Variants in RCSD1 observed in about 807,000 individuals in gnomAD.
RCSD1 encodes capZ-interacting protein.
In RCSD1, 26 loss-of-function variants were observed where a neutral mutation model predicts 42.5. That is an observed-to-expected ratio of 0.61 (90% CI 0.45 to 0.85). RCSD1 has a LOEUF of 0.85. RCSD1 is among the 40% of genes least tolerant of loss of function. The probability of loss-of-function intolerance (pLI) is 0.00; values close to 1 mark genes in which losing one functional copy is unlikely to be tolerated. For synonymous variants in RCSD1, 220 were observed against 212.2 expected (o/e 1.04, Z -0.32); for missense variants, 571 against 528.3 (o/e 1.08, Z -0.79).
chr1:167,689,950 A>G (rs1659335048), intron 3 of RCSD1, 99 bp from the exon 4 acceptor site: 2 of 1,163,746 alleles, frequency 1.7e-6, no homozygotes, highest in Admixed American at 3.9e-5. Flanking sequence ...TGGCAACACC[A>G]ACTTCTCTTC....
At chr1:167,696,929 C>T (rs1659510032) in intron 5 of RCSD1, among the ~76,000 whole-genome samples, 170 bp from the exon 6 acceptor site, 2 of 152,178 alleles carry the variant, frequency 1.3e-5, no homozygotes, top group African/African-American at 2.4e-5. Context: ...TCCCACATGG[C>T]TCTAATCTAT....
chr1:167,669,908 G>A (rs1316906546), intron 1 of RCSD1, among the ~76,000 whole-genome samples: 1 of 152,138 alleles, frequency 6.6e-6, no homozygotes, highest in African/African-American at 2.4e-5. Context: ...TGGGTCCTTA[G>A]GAAATTTGTT....
At chr1:167,677,246 A>G (rs1658974673) in intron 1 of RCSD1, among the ~76,000 whole-genome samples, 1 of 152,160 alleles carries the variant, frequency 6.6e-6, no homozygotes, top group Non-Finnish European at 1.5e-5. Flanking sequence ...AATGCATTCT[A>G]CAGTGTCTAC....
chr1:167,676,098 C>G (rs1330139291), intron 1 of RCSD1, among the ~76,000 whole-genome samples: 7 of 152,178 alleles, frequency 4.6e-5, no homozygotes, highest in Non-Finnish European at 5.9e-5. Context: ...TTCCAATGAG[C>G]CTGTAACATA....
chr1:167,704,600 G>A, intron 6 of RCSD1, 64 bp from the exon 7 acceptor site: 4 of 1,359,238 alleles, frequency 2.9e-6, no homozygotes, highest in African/African-American at 2.9e-5. Context: ...CCCCAAGGAG[G>A]GATGCTGAGT....
At chr1:167,700,930 T>C (rs1041744686) in intron 6 of RCSD1, among the ~76,000 whole-genome samples, 1 of 152,144 alleles carries the variant, frequency 6.6e-6, no homozygotes, top group Non-Finnish European at 1.5e-5. Flanking sequence ...GGTTGAAAAG[T>C]CACTTTGGTT....
intron 1 of RCSD1, among the ~76,000 whole-genome samples, chr1:167,656,870 C>A (rs1473152384): frequency 1.3e-5 from 2 of 152,208 alleles, no homozygotes; most frequent in African/African-American, 2.4e-5. Context: ...AAGAGTCAAG[C>A]TGCAGTCTCA....
intron 6 of RCSD1, among the ~76,000 whole-genome samples, chr1:167,701,003 GGAACTC>G (rs1659624017): frequency 6.6e-6 from 1 of 152,190 alleles, no homozygotes; most frequent in Non-Finnish European, 1.5e-5. Flanking sequence ...TCTTCCTGCG[GGAACTC>G]CAGGAGCTCT....
rs567201916 is a variant in RCSD1, at chr1:167,694,347, G to T, written c.474+45G>T. 4 of 1,553,970 alleles carry T rather than the reference G, an allele frequency of 2.6e-6. No homozygotes were observed. In the East Asian group the frequency reaches 9.3e-5, roughly 36 times the overall value. ...TATGGCGGTGTGTCTGTGGAAATGT[G>T]GGCACTGGCACCCCTGAATTTTCTC... is the stretch of plus-strand genomic sequence containing the variant. On this transcript the variant is annotated intron_variant, in intron 5 of 6. Coordinates refer to ENST00000367854, the MANE Select transcript of RCSD1 (RefSeq NM_052862.4).
At chr1:167,654,126 G>A (rs1256789216) in intron 1 of RCSD1, among the ~76,000 whole-genome samples, 2 of 152,198 alleles carry the variant, frequency 1.3e-5, no homozygotes, top group Non-Finnish European at 2.9e-5. Context: ...GCATGGTATT[G>A]GGCACATGGT....
At chr1:167,643,349 C>G (rs564948983) in intron 1 of RCSD1, among the ~76,000 whole-genome samples, 7 of 152,270 alleles carry the variant, frequency 4.6e-5, no homozygotes, top group African/African-American at 1.7e-4. Context: ...GCAAAGTGAA[C>G]CTTTCCAATA....
Position 167,702,528 on chromosome 1 carries a change from C to A in RCSD1, c.1219-2136C>A, listed in dbSNP as rs990617970. Among the ~76,000 whole-genome samples, 124 of 152,358 alleles carry A rather than the reference C, an allele frequency of 8.1e-4. 1 individual carries two copies. Among genetic ancestry groups the A allele is most frequent in the African/African-American group, 2.8e-3 (117 of 41,576 alleles). On this transcript the variant is annotated intron_variant, in intron 6 of 6. Transcript: ENST00000367854. Reference sequence around the variant, plus strand: ...GCGTGGTGGCTCACACCTGTAATCACAGCACTTTGGGAGGCTGAGGCGGGC... The same window carrying A: ...GCGTGGTGGCTCACACCTGTAATCAAAGCACTTTGGGAGGCTGAGGCGGGC...
chr1:167,679,883 A>C (rs1659039339), intron 1 of RCSD1, among the ~76,000 whole-genome samples: 1 of 152,238 alleles, frequency 6.6e-6, no homozygotes, highest in African/African-American at 2.4e-5. Flanking sequence ...GATGGTCAGC[A>C]GTATCCAAAC....
chr1:167,643,779 G>T (rs1242603596), intron 1 of RCSD1, among the ~76,000 whole-genome samples: 2 of 152,234 alleles, frequency 1.3e-5, no homozygotes, highest in African/African-American at 4.8e-5. Context: ...TGAGTCGGTG[G>T]TTGTGTAAAG....
chr1:167,646,298 A>G lies in RCSD1; in HGVS notation c.6+15869A>G, dbSNP rs138869264. 8.6e-3 allele frequency among the ~76,000 whole-genome samples: 1,308 copies of G among 152,184 alleles called. 13 individuals carry two copies. Among genetic ancestry groups the G allele is most frequent in the African/African-American group, 0.027 (1,116 of 41,526 alleles). ...GTCATTCGCGCAGCAGTGGTTCACC[A>G]CAGGCCTGGGTGGTGAGCAGCGGCT... On this transcript the variant is annotated intron_variant, in intron 1 of 6. Coordinates refer to ENST00000367854, the MANE Select transcript of RCSD1 (RefSeq NM_052862.4).
intron 1 of RCSD1, among the ~76,000 whole-genome samples, chr1:167,675,012 C>G (rs1203529448): frequency 6.6e-6 from 1 of 152,004 alleles, no homozygotes; most frequent in African/African-American, 2.4e-5. Flanking sequence ...CAAGACCATC[C>G]TGGCTAACAC....
intron 6 of RCSD1, among the ~76,000 whole-genome samples, chr1:167,700,610 C>G (rs1177268988): frequency 2.7e-5 from 4 of 150,232 alleles, no homozygotes; most frequent in Non-Finnish European, 5.9e-5. Flanking sequence ...GAAATCGCGC[C>G]ACTGCACTCC....
intron 1 of RCSD1, among the ~76,000 whole-genome samples, chr1:167,636,729 G>A (rs1339324255): frequency 2.6e-5 from 4 of 152,096 alleles, no homozygotes; most frequent in Non-Finnish European, 5.9e-5. Context: ...TGGGATTACA[G>A]GCATGCACCA....
intron 1 of RCSD1, chr1:167,641,814 T>A (rs1433616058): frequency 6.6e-6 from 1 of 152,100 alleles, no homozygotes; most frequent in East Asian, 1.9e-4. Flanking sequence ...TACAAAACAG[T>A]GTGATTGGTT....
Sources: gnomAD v4.1 joint callset for allele counts (sites outside exome capture counted in the v4.1 genomes callset) on GRCh38, gnomAD v4.1.1 for gene constraint, MANE v1.5 for transcripts, NCBI Gene and HGNC (gene_info 2026-07-23, HGNC 2026-07-21) for gene names.